The following KAZN variants were observed in gnomAD, a reference collection of about 807,000 sequenced individuals.
The protein encoded by KAZN is kazrin.
A neutral mutation model predicts 87.4 loss-of-function variants in KAZN; 40 were observed. That is an observed-to-expected ratio of 0.46 (90% CI 0.36 to 0.60). KAZN has a LOEUF of 0.60. Among genes scored for constraint, KAZN ranks in the 20% least tolerant of loss-of-function variants. The pLI, the probability that KAZN is intolerant of heterozygous loss-of-function variation, is 0.00. For missense variants in KAZN, 898 were observed against 1,073.9 expected, an observed-to-expected ratio of 0.84 and a Z score of 2.29; for synonymous variants, 466 against 458.3, an observed-to-expected ratio of 1.02 and a Z score of -0.22.
At chr1:14,697,072 G>A (rs1471968354) in intron 1 of KAZN, among the ~76,000 whole-genome samples, 1 of 150,606 alleles carries the variant, frequency 6.6e-6, no homozygotes, top group African/African-American at 2.5e-5. Flanking sequence ...CGGGAGGATT[G>A]CTTGAGCCCA....
intron 2 of KAZN, among the ~76,000 whole-genome samples, chr1:14,265,677 C>T (rs1219254719): frequency 2.0e-5 from 3 of 152,094 alleles, no homozygotes; most frequent in Non-Finnish European, 4.4e-5. Flanking sequence ...TTTCACATGC[C>T]CCCACAGCAT....
At chr1:13,897,898 C>T (rs1639103779) in intron 1 of KAZN, among the ~76,000 whole-genome samples, 1 of 152,180 alleles carries the variant, frequency 6.6e-6, no homozygotes, top group South Asian at 2.1e-4. Context: ...TGAGGAAGTT[C>T]ATCCTCTTCT....
chr1:14,715,395 T>C (rs1642737129), intron 1 of KAZN, among the ~76,000 whole-genome samples: 1 of 152,170 alleles, frequency 6.6e-6, no homozygotes, highest in Non-Finnish European at 1.5e-5. Flanking sequence ...GTTGGCCAAG[T>C]TTACAAAATG....
Position 15,066,148 on chromosome 1 carries a change from TG to T in KAZN, c.1222+396del, listed in dbSNP as rs1639208544. ...TTTGTTTGGTTCGTCGGTTTGTTTT[TG>T]TTTTTGTTTTTTTCCCCCTTTCTCC... On this transcript the variant is annotated intron_variant, in intron 8 of 14. Transcript: ENST00000376030. The surrounding 1 kb of genome is among the most constrained non-coding windows in gnomAD (Gnocchi z 4.3). The T allele has an allele frequency of 9.6e-7, 1 of 1,040,596 alleles. No individual in the cohort carries two copies. The highest frequency in any genetic ancestry group is 1.7e-5 in the African/African-American group (1 of 59,600). 64.5% of individuals were successfully genotyped at this position (1,040,596 alleles called of 1,614,324 possible). A position where few individuals can be genotyped will look rare whatever the true frequency, so the allele number is the denominator to read the frequency against.
intron 1 of KAZN, among the ~76,000 whole-genome samples, chr1:14,898,748 CCAATTT>C (rs1401396975): frequency 6.6e-5 from 10 of 152,096 alleles, no homozygotes; most frequent in African/African-American, 2.4e-4. Flanking sequence ...CAGAACAGTC[CCAATTT>C]CAAGACTCTA....
rs76509123 is a variant in KAZN, at chr1:14,311,571, A to G, written c.249+130979A>G. ...GAATCAAGCCACAGGAAGTGTGTCAACAGGGCTTTCTCTCCGGTAGAGTTT... is the reference window on the plus strand; with the variant it reads ...GAATCAAGCCACAGGAAGTGTGTCAGCAGGGCTTTCTCTCCGGTAGAGTTT... On this transcript the variant is annotated intron_variant, in intron 2 of 16. Coordinates refer to the KAZN transcript ENST00000636203. Among the ~76,000 whole-genome samples, 1,564 of 152,316 alleles carry G rather than the reference A, an allele frequency of 0.01. 123 individuals are homozygous for G. In the East Asian group the frequency reaches 0.22, roughly 21 times the overall value.
chr1:14,891,197 G>A (rs566115144), intron 1 of KAZN, among the ~76,000 whole-genome samples: 20 of 152,128 alleles, frequency 1.3e-4, no homozygotes, highest in Admixed American at 9.8e-4. Context: ...GGGAACGGGC[G>A]GTGTCTGGTT....
chr1:14,133,059 A>T (rs1481128262), intron 1 of KAZN, among the ~76,000 whole-genome samples: 1 of 152,098 alleles, frequency 6.6e-6, no homozygotes, highest in Non-Finnish European at 1.5e-5. Flanking sequence ...ACTTTATTAC[A>T]TTCTGGTGAT....
chr1:14,421,604 A>G (rs1042032962), intron 2 of KAZN, among the ~76,000 whole-genome samples: 4 of 152,208 alleles, frequency 2.6e-5, no homozygotes, highest in African/African-American at 9.7e-5. Flanking sequence ...CCAAAGTCTT[A>G]GAAACATAAG....
chr1:14,563,209 C>T (rs1326496142), intron 2 of KAZN, among the ~76,000 whole-genome samples: 1 of 152,192 alleles, frequency 6.6e-6, no homozygotes, highest in South Asian at 2.1e-4. Flanking sequence ...CCTGCAGTCA[C>T]GCCTGGATCA....
At chr1:14,867,480 G>C (rs1037656088) in intron 1 of KAZN, among the ~76,000 whole-genome samples, 2 of 152,106 alleles carry the variant, frequency 1.3e-5, no homozygotes, top group African/African-American at 4.8e-5. Flanking sequence ...CCTCCAGCTG[G>C]GCTCCAGGTA....
At chr1:14,758,373 G>A (rs1234665980) in intron 1 of KAZN, among the ~76,000 whole-genome samples, 3 of 151,826 alleles carry the variant, frequency 2.0e-5, no homozygotes, top group Non-Finnish European at 2.9e-5. Flanking sequence ...GGGTCTTGCC[G>A]TGTTGCCCAG....
chr1:14,963,148 C>T (rs1664081870), intron 2 of KAZN, among the ~76,000 whole-genome samples: 2 of 152,128 alleles, frequency 1.3e-5, no homozygotes, highest in Non-Finnish European at 2.9e-5. Flanking sequence ...ATTTCTTATC[C>T]ACCACCAAAG....
chr1:14,848,352 C>T (rs1333412285), intron 1 of KAZN, among the ~76,000 whole-genome samples: 1 of 152,218 alleles, frequency 6.6e-6, no homozygotes, highest in East Asian at 1.9e-4. Context: ...TGGTCTCAGC[C>T]TGAGTTCTAT....
intron 1 of KAZN, among the ~76,000 whole-genome samples, chr1:14,091,334 C>G (rs1423199441): frequency 1.3e-5 from 2 of 152,096 alleles, no homozygotes; most frequent in African/African-American, 4.8e-5. Context: ...AATAGCAGAG[C>G]TCCTTTTGTT....
At chr1:14,428,961 G>A (rs1340982139) in intron 2 of KAZN, among the ~76,000 whole-genome samples, 4 of 151,830 alleles carry the variant, frequency 2.6e-5, no homozygotes, top group Non-Finnish European at 5.9e-5. Flanking sequence ...CATATATAAT[G>A]TATAGGCTTT....
At chr1:13,958,904 G>A (rs944881138) in intron 1 of KAZN, among the ~76,000 whole-genome samples, 2 of 152,116 alleles carry the variant, frequency 1.3e-5, no homozygotes, top group African/African-American at 4.8e-5. Context: ...AGAATTATAG[G>A]CTCTACTAGA....
At chr1:14,453,276 C>G (rs780117287) in intron 2 of KAZN, among the ~76,000 whole-genome samples, 2 of 152,124 alleles carry the variant, frequency 1.3e-5, no homozygotes, top group African/African-American at 2.4e-5. Flanking sequence ...CTCTTTTACT[C>G]TGCTTTTTAT....
intron 2 of KAZN, among the ~76,000 whole-genome samples, chr1:14,214,501 C>T (rs1401198024): frequency 6.6e-6 from 1 of 152,114 alleles, no homozygotes; most frequent in Non-Finnish European, 1.5e-5. Context: ...CTACAGCTTC[C>T]AATAAATGCT....
Sources: gnomAD v4.1 joint callset for allele counts (sites outside exome capture counted in the v4.1 genomes callset) on GRCh38, gnomAD v4.1.1 for gene constraint, Gnocchi (gnomAD v3.1) non-coding constraint, MANE v1.5 for transcripts, NCBI Gene and HGNC (gene_info 2026-07-23, HGNC 2026-07-21) for gene names.